NALCN: variants seen among roughly 807,000 people sequenced by gnomAD.
NALCN encodes sodium leak channel, non-selective.
A neutral mutation model predicts 225.3 loss-of-function variants in NALCN; 111 were observed. That is an observed-to-expected ratio of 0.49 (90% CI 0.42 to 0.58). The LOEUF (loss-of-function observed/expected upper bound fraction) is 0.58. Among genes scored for constraint, NALCN ranks in the 20% least tolerant of loss-of-function variants. The probability of loss-of-function intolerance (pLI) is 0.00; values close to 1 mark genes in which losing one functional copy is unlikely to be tolerated. For missense variants in NALCN, 1,378 were observed against 2,202.4 expected, an observed-to-expected ratio of 0.63 and a Z score of 7.49; for synonymous variants, 764 against 769.0, an observed-to-expected ratio of 0.99 and a Z score of 0.11.
At chr13:101,191,880 T>C in intron 14 of NALCN, 37 bp downstream of exon 14, 10 of 1,579,814 alleles carry the variant, frequency 6.3e-6, no homozygotes, top group Non-Finnish European at 7.7e-6. Context: ...CCATTATAAA[T>C]TCCAAGATAT....
Position 101,259,404 on chromosome 13 carries a change from G to A in NALCN, c.1135-830C>T, listed in dbSNP as rs532709027. The stretch of plus-strand genomic sequence containing the variant: ...GCTAGAGTGCAGTGGCGTGATCTTG[G>A]CTCACTGCAAGCTCTGCTTCCTGGA... On this transcript the variant is annotated intron_variant, in intron 10 of 43. Coordinates refer to ENST00000251127, the MANE Select transcript of NALCN (RefSeq NM_052867.4). 2.0e-5 allele frequency among the ~76,000 whole-genome samples: 3 copies of A among 151,980 alleles called. No individual in the cohort carries two copies. In the South Asian group the frequency reaches 6.2e-4, roughly 32 times the overall value.
chr13:101,070,127 T>C (rs1436612068), intron 37 of NALCN, among the ~76,000 whole-genome samples: 2 of 136,288 alleles, frequency 1.5e-5, no homozygotes, highest in East Asian at 5.0e-4. Context: ...AGTGCAGTGG[T>C]GCAATCTCCG....
At chr13:101,356,873 G>T (rs114917289) in intron 6 of NALCN, among the ~76,000 whole-genome samples, 4,914 of 152,232 alleles carry the variant, frequency 0.032, 271 homozygotes, top group African/African-American at 0.11. Flanking sequence ...GAAGTGTAAG[G>T]CTGGTTCAGC....
chr13:101,116,979 G>C, intron 18 of NALCN: 1 of 515,872 alleles, frequency 1.9e-6, no homozygotes, highest in South Asian at 1.4e-5. Flanking sequence ...GGATGCTAAT[G>C]GGTGAGCTCG....
rs559064764 is a variant in NALCN, at chr13:101,143,519, C to T, written c.1977-298G>A. On this transcript the variant is annotated intron_variant, in intron 16 of 43. Transcript: ENST00000251127. ...CACTCTTGTTGCCCAGGCTGGAGTG[C>T]AATGGTGCAATCTCAGCTCACCACA... Among the ~76,000 whole-genome samples, 5 of 151,374 alleles carry T rather than the reference C, an allele frequency of 3.3e-5. No homozygotes were observed. In the South Asian group the frequency reaches 1.0e-3, roughly 32 times the overall value.
intron 12 of NALCN, among the ~76,000 whole-genome samples, chr13:101,232,674 C>A (rs1488125664): frequency 6.6e-6 from 1 of 151,972 alleles, no homozygotes; most frequent in African/African-American, 2.4e-5. Flanking sequence ...TCTCGATCTC[C>A]TGACCTCGTG....
chr13:101,176,432 A>C (rs930490416), intron 14 of NALCN, 58 bp from the exon 15 acceptor site: 1 of 1,240,656 alleles, frequency 8.1e-7, no homozygotes, highest in African/African-American at 1.6e-5. Flanking sequence ...TCAAAATATT[A>C]TATGTATAAT....
At chr13:101,320,569 G>C (rs1479336833) in intron 7 of NALCN, among the ~76,000 whole-genome samples, 1 of 152,110 alleles carries the variant, frequency 6.6e-6, no homozygotes, top group African/African-American at 2.4e-5. Flanking sequence ...GAATATTAGA[G>C]TGGGGGAGGA....
intron 14 of NALCN, chr13:101,180,857 G>GC: frequency 2.9e-6 from 1 of 348,910 alleles, no homozygotes; most frequent in Non-Finnish European, 5.7e-6. Context: ...CTCTCTCTCT[G>GC]CATCTGTCTC....
chr13:101,302,377 C>A (rs1191673285), intron 7 of NALCN, among the ~76,000 whole-genome samples: 1 of 151,916 alleles, frequency 6.6e-6, no homozygotes, highest in Non-Finnish European at 1.5e-5. Context: ...ATAAAAAGAT[C>A]AACCAAGATT....
At chr13:101,172,212 C>T (rs2038757772) in intron 15 of NALCN, among the ~76,000 whole-genome samples, 1 of 152,172 alleles carries the variant, frequency 6.6e-6, no homozygotes, top group African/African-American at 2.4e-5. Flanking sequence ...ACGGGCCCAC[C>T]GACAATCCAT....
chr13:101,240,300 GT>G (rs1444132491), intron 11 of NALCN, among the ~76,000 whole-genome samples: 4 of 151,494 alleles, frequency 2.6e-5, no homozygotes, highest in Middle Eastern at 3.2e-3. Context: ...TCTTTAATAA[GT>G]TTTTTCCATA....
chr13:101,393,542 C>T (rs148785495), intron 3 of NALCN, among the ~76,000 whole-genome samples: 72 of 152,234 alleles, frequency 4.7e-4, no homozygotes, highest in Middle Eastern at 6.8e-3. Flanking sequence ...AGTGGACTTA[C>T]AGAGACTTAA....
At position 101,185,057 on chromosome 13, in the gene NALCN, G is replaced by A. The variant is rs545098224; in HGVS notation, c.1764+6860C>T. Among the ~76,000 whole-genome samples the A allele has an allele frequency of 2.0e-3, 304 of 152,090 alleles. 1 individual carries two copies. Among genetic ancestry groups the A allele is most frequent in the African/African-American group, 7.2e-3 (297 of 41,476 alleles). On this transcript the variant is annotated intron_variant, in intron 14 of 43. Transcript: ENST00000251127. ...GCAGGAATCAATGTCCCACACTCTT[G>A]TGTTTTTCTTTTCCTGTTTACCATT...
At chr13:101,369,692 T>G (rs1015598288) in intron 6 of NALCN, among the ~76,000 whole-genome samples, 2 of 152,158 alleles carry the variant, frequency 1.3e-5, no homozygotes, top group African/African-American at 4.8e-5. Flanking sequence ...TTCCCTGTTC[T>G]TCATCTCCAT....
Position 101,378,614 on chromosome 13 carries a change from CAAAAA to C in NALCN, c.326_330del (p.Val109GlyfsTer18). The C allele has an allele frequency of 6.2e-7, 1 of 1,610,158 alleles. No homozygotes were observed. Among genetic ancestry groups the C allele is most frequent in the Admixed American group, 1.7e-5 (1 of 59,810 alleles). ...CAAAGGCAAAAGACCATAAATCCAT[CAAAAA>C]CACACCAGCGATCTTTCACATAGGA... is the stretch of plus-strand genomic sequence containing the variant. On this transcript the variant is annotated frameshift_variant, in exon 4 of 44. Coordinates refer to ENST00000251127, the MANE Select transcript of NALCN (RefSeq NM_052867.4). LOFTEE classifies it high-confidence loss of function.
intron 6 of NALCN, among the ~76,000 whole-genome samples, chr13:101,374,614 G>A (rs1337219793): frequency 6.6e-6 from 1 of 152,114 alleles, no homozygotes; most frequent in Non-Finnish European, 1.5e-5. Context: ...AAGTAGGTAT[G>A]AGATGCATGC....
chr13:101,159,860 TA>T (rs1185477090), intron 15 of NALCN, among the ~76,000 whole-genome samples: 2 of 152,224 alleles, frequency 1.3e-5, no homozygotes, highest in Non-Finnish European at 2.9e-5. Flanking sequence ...TTAGATTTGG[TA>T]AAACTGAAAG....
chr13:101,116,773 A>C, intron 18 of NALCN: 1 of 367,674 alleles, frequency 2.7e-6, no homozygotes, highest in South Asian at 2.1e-5. Flanking sequence ...CAAGTAATTC[A>C]TTTAAAAGTA....
Sources: allele counts gnomAD v4.1 joint callset (sites outside exome capture counted in the v4.1 genomes callset), GRCh38; gene constraint gnomAD v4.1.1; transcripts MANE v1.5; gene names NCBI Gene and HGNC (gene_info 2026-07-23, HGNC 2026-07-21).